ABCC3: variants seen among roughly 807,000 people sequenced by gnomAD.
The protein encoded by ABCC3 is ATP binding cassette subfamily C member 3.
A neutral mutation model predicts 165.3 loss-of-function variants in ABCC3; 121 were observed. The ratio of observed to expected loss-of-function variants is 0.73; its 90% CI spans 0.63 to 0.85. ABCC3 has a LOEUF of 0.85. Ranked by LOEUF, ABCC3 falls within the 40% of genes least tolerant of loss-of-function variation. ABCC3 has a pLI of 0.00. For missense variants in ABCC3, 1,869 were observed against 1,964.1 expected, an observed-to-expected ratio of 0.95 and a Z score of 0.92; for synonymous variants, 733 against 810.1, an observed-to-expected ratio of 0.90 and a Z score of 1.62.
At position 50,665,156 on chromosome 17, in the gene ABCC3, C is replaced by G. The variant is rs1597852151; in HGVS notation, c.1342C>G (p.Leu448Val). 6.2e-7 allele frequency: 1 copy of G among 1,614,162 alleles called. No homozygotes were observed. Among genetic ancestry groups the G allele is most frequent in the Non-Finnish European group, 8.5e-7 (1 of 1,179,986 alleles). The change falls in exon 11 of 31, where the codon CTA becomes GTA. Residue 448 changes from leucine (L) to valine (V), a missense_variant. Coordinates refer to ENST00000285238, the MANE Select transcript of ABCC3 (RefSeq NM_003786.4). Reference sequence around the variant, plus strand: ...CTATCCACCGGTGCCTCCTCAGAACCTAGGTCCCTCTGTCCTGGCTGGAGT... The same window carrying G: ...CTATCCACCGGTGCCTCCTCAGAACGTAGGTCCCTCTGTCCTGGCTGGAGT... ...ILAIYFLWQN[L>V]GPSVLAGVAF... is the part of the protein sequence containing the mutation.
intron 4 of ABCC3, among the ~76,000 whole-genome samples, chr17:50,657,832 G>A (rs576135775): frequency 2.4e-4 from 36 of 152,356 alleles, no homozygotes; most frequent in African/African-American, 8.7e-4. Flanking sequence ...TGATGTCCCA[G>A]TTAGACAAGG....
At position 50,661,076 on chromosome 17, in the gene ABCC3, C is replaced by T. The variant is rs1277109132; in HGVS notation, c.960C>T (p.Ile320=). Residue 320 remains isoleucine (I), a synonymous_variant, in exon 8 of 31, where the codon ATC becomes ATT. Transcript: ENST00000285238. ...SFLISACFKL[I]QDLLSFINPQ... Reference sequence around the variant, plus strand: ...TCATCAGTGCCTGCTTCAAGCTTATCCAGGACCTGCTCTCCTTCATCAATC... The same window carrying T: ...TCATCAGTGCCTGCTTCAAGCTTATTCAGGACCTGCTCTCCTTCATCAATC... The T allele has an allele frequency of 2.5e-6, 4 of 1,614,078 alleles. No individual in the cohort carries two copies. Among genetic ancestry groups the T allele is most frequent in the Non-Finnish European group, 3.4e-6 (4 of 1,179,934 alleles).
rs1159732329 is a variant in ABCC3, at chr17:50,658,166, A to G, written c.571A>G (p.Arg191Gly). Residue 191 changes from arginine to glycine, a missense_variant, in exon 5 of 31, where the codon AGG becomes GGG. Arg to Gly is a moderately radical substitution (Grantham distance 125). Coordinates refer to ENST00000285238, the MANE Select transcript of ABCC3 (RefSeq NM_003786.4). ...VLSALILACF[R>G]EKPPFFSAKN... Reference sequence around the variant, plus strand: ...CTCTGCCCTCATCTTGGCCTGCTTCAGGGAGAAACCTCCATTTTTCTCCGC... The same window carrying G: ...CTCTGCCCTCATCTTGGCCTGCTTCGGGGAGAAACCTCCATTTTTCTCCGC... The G allele has an allele frequency of 6.2e-7, 1 of 1,614,198 alleles. No homozygotes were observed. The highest frequency in any genetic ancestry group is 8.5e-7 in the Non-Finnish European group (1 of 1,180,022).
chr17:50,658,238 C>A lies in ABCC3; in HGVS notation c.612+31C>A, dbSNP rs767154727. ...TTTCCCATGGAGGGTGCGGGGGCTC[C>A]ACAGCTGAGTCCTCAGCCCAACTCT... On this transcript the variant is annotated intron_variant, in intron 5 of 30. Coordinates refer to ENST00000285238, the MANE Select transcript of ABCC3 (RefSeq NM_003786.4). The A allele has an allele frequency of 2.5e-6, 4 of 1,614,116 alleles. No homozygotes were observed. The South Asian group carries it at 4.4e-5, about 18-fold the overall frequency.
chr17:50,667,462 A>G, intron 11 of ABCC3, 92 bp from the exon 12 acceptor site: 3 of 1,146,080 alleles, frequency 2.6e-6, no homozygotes, highest in Non-Finnish European at 3.8e-6. Flanking sequence ...GAATGGCTGC[A>G]ATGGATGAGA....
intron 25 of ABCC3, 148 bp downstream of exon 25, chr17:50,678,367 GA>G (rs1481361287): frequency 5.2e-6 from 4 of 775,326 alleles, no homozygotes; most frequent in Non-Finnish European, 3.6e-6. Flanking sequence ...AAAAAAAAAA[GA>G]AAAAAATCAT....
At chr17:50,657,985 C>T in intron 4 of ABCC3, 97 bp from the exon 5 acceptor site, 2 of 1,569,628 alleles carry the variant, frequency 1.3e-6, no homozygotes, top group East Asian at 2.3e-5. Context: ...TGCCTCCTGC[C>T]CCAGAGGAGA....
intron 19 of ABCC3, among the ~76,000 whole-genome samples, chr17:50,673,966 T>C (rs1015642659): frequency 1.2e-3 from 27 of 21,678 alleles, no homozygotes; most frequent in Non-Finnish European, 1.7e-3. Flanking sequence ...CTTTCTTTCT[T>C]TCTTTCTTTC....
At chr17:50,678,735 A>G (rs1408705721) in intron 25 of ABCC3, among the ~76,000 whole-genome samples, 3 of 152,226 alleles carry the variant, frequency 2.0e-5, no homozygotes, top group Non-Finnish European at 4.4e-5. Context: ...AGCCTGGCCA[A>G]CATGGTGAAA....
At chr17:50,673,192 A>G (rs1252762000) in intron 18 of ABCC3, 54 bp downstream of exon 18, 2 of 1,597,418 alleles carry the variant, frequency 1.3e-6, no homozygotes, top group Non-Finnish European at 1.7e-6. Context: ...GCCCGAAGAG[A>G]GAGCTGGTGA....
Position 50,678,174 on chromosome 17 carries a change from C to A in ABCC3, c.3660C>A (p.Ser1220Arg). 1 of 1,545,448 alleles carries A rather than the reference C, an allele frequency of 6.5e-7. No homozygotes were observed. Among genetic ancestry groups the A allele is most frequent in the Non-Finnish European group, 8.7e-7 (1 of 1,146,660 alleles). The part of the protein sequence containing the change: ...AALFAVIGRS[S>R]LNPGLVGLSV... ...TATTTGCCGTCATCGGGAGGAGCAG[C>A]CTGAACCCGGGGCTGGTGGGCCTTT... The change falls in exon 25 of 31, where the codon AGC (serine) becomes AGA (arginine). Residue 1220 changes from serine (S) to arginine (R), a missense_variant. Physicochemically the swap from Ser to Arg is moderately radical, Grantham distance 110. Coordinates refer to ENST00000285238, the MANE Select transcript of ABCC3 (RefSeq NM_003786.4).
intron 6 of ABCC3, 130 bp downstream of exon 6, chr17:50,658,626 C>G: frequency 9.8e-7 from 1 of 1,017,474 alleles, no homozygotes; most frequent in South Asian, 1.3e-5. Context: ...GCAGTGGGCA[C>G]AGGGCAGATG....
At chr17:50,643,521 C>T (rs1209350418) in intron 1 of ABCC3, 3 of 456,102 alleles carry the variant, frequency 6.6e-6, no homozygotes, top group Non-Finnish European at 1.3e-5. Context: ...CAGGGATAGG[C>T]CTGCCCAACG....
At chr17:50,641,685 G>A (rs971539272) in intron 1 of ABCC3, among the ~76,000 whole-genome samples, 1 of 152,240 alleles carries the variant, frequency 6.6e-6, no homozygotes, top group Non-Finnish European at 1.5e-5. Context: ...ACCATCAACT[G>A]CAGAATACAG....
At chr17:50,647,297 C>G (rs1380628178) in intron 1 of ABCC3, among the ~76,000 whole-genome samples, 1 of 152,204 alleles carries the variant, frequency 6.6e-6, no homozygotes, top group Non-Finnish European at 1.5e-5. Flanking sequence ...GGACCTATGT[C>G]CCTACAGGTG....
chr17:50,639,841 G>A (rs1407264837), intron 1 of ABCC3, among the ~76,000 whole-genome samples: 1 of 151,124 alleles, frequency 6.6e-6, no homozygotes, highest in African/African-American at 2.4e-5. Context: ...TCAACTCACT[G>A]CAACCTCCAC....
In ABCC3 at chr17:50,692,189, C is replaced by T. The variant is rs1467540689; in HGVS notation, c.*989C>T. On this transcript the variant is annotated 3_prime_UTR_variant, in exon 31 of 31. Coordinates refer to ENST00000285238, the MANE Select transcript of ABCC3 (RefSeq NM_003786.4). ...ACCTCCTGCCCAGAGAGAAGCCACC[C>T]ACACTCCCAGGTTGGCAGACAAGAT... 1.3e-5 allele frequency: 2 copies of T among 152,270 alleles called. No individual in the cohort carries two copies. The highest frequency in any genetic ancestry group is 4.8e-5 in the African/African-American group (2 of 41,472). 9.4% of individuals were successfully genotyped at this position (152,270 alleles called of 1,614,324 possible).
At chr17:50,687,794 C>T in intron 30 of ABCC3, 64 bp downstream of exon 30, 1 of 1,513,256 alleles carries the variant, frequency 6.6e-7, no homozygotes, top group South Asian at 1.1e-5. Flanking sequence ...CAGGAATGGG[C>T]AGGGCAGATT....
Position 50,667,857 on chromosome 17 carries a change from G to A in ABCC3, c.1636-6G>A, listed in dbSNP as rs1315616834. The A allele has an allele frequency of 6.2e-6, 10 of 1,613,932 alleles. No individual in the cohort carries two copies. The highest frequency in any genetic ancestry group is 1.1e-5 in the South Asian group (1 of 91,048). ...TCTACCCTGACACCACCTCCACGCT[G>A]CTCAGGTGACCCTGATCACCCTCTG... On this transcript the variant is annotated splice_region_variant and splice_polypyrimidine_tract_variant and intron_variant, in intron 12 of 30. Coordinates refer to ENST00000285238, the MANE Select transcript of ABCC3 (RefSeq NM_003786.4).
Sources: allele counts gnomAD v4.1 joint callset (sites outside exome capture counted in the v4.1 genomes callset), GRCh38; gene constraint gnomAD v4.1.1; transcripts MANE v1.5; gene names NCBI Gene and HGNC (gene_info 2026-07-23, HGNC 2026-07-21).